Variants in NSMAF observed in about 807,000 individuals in gnomAD.
The protein encoded by NSMAF is protein FAN.
NSMAF carries 90 observed loss-of-function variants against 134.9 expected under a neutral mutation model. That is an observed-to-expected ratio of 0.67 (90% CI 0.56 to 0.79). The LOEUF (loss-of-function observed/expected upper bound fraction) is 0.79, where lower values mean the gene tolerates loss of function less well. NSMAF is among the 30% of genes least tolerant of loss of function. The probability of loss-of-function intolerance (pLI) is 0.00; values close to 1 mark genes in which losing one functional copy is unlikely to be tolerated. For synonymous variants in NSMAF, 358 were observed against 389.6 expected (o/e 0.92, Z 0.96); for missense variants, 1,010 against 1,119.0 (o/e 0.90, Z 1.39).
intron 13 of NSMAF, among the ~76,000 whole-genome samples, 198 bp from the exon 14 acceptor site, chr8:58,602,335 A>G (rs190842719): frequency 2.1e-3 from 323 of 152,312 alleles, no homozygotes; most frequent in Non-Finnish European, 3.8e-3. Flanking sequence ...AGACACAACC[A>G]CTTAAGAGCA....
At chr8:58,586,103 G>T in intron 28 of NSMAF, 103 bp from the exon 29 acceptor site, 1 of 899,032 alleles carries the variant, frequency 1.1e-6, no homozygotes, top group African/African-American at 1.6e-5. Context: ...CTCCACATTC[G>T]TTTTCTTCAA....
At chr8:58,622,778 C>T (rs1806818226) in intron 9 of NSMAF, among the ~76,000 whole-genome samples, 1 of 152,100 alleles carries the variant, frequency 6.6e-6, no homozygotes, top group South Asian at 2.1e-4. Flanking sequence ...AGTGATTCTC[C>T]CACCTTGGCT....
chr8:58,658,627 T>C (rs988304011), intron 1 of NSMAF, among the ~76,000 whole-genome samples: 5 of 152,212 alleles, frequency 3.3e-5, no homozygotes, highest in African/African-American at 9.7e-5. Context: ...GATCTGTGGC[T>C]CTCACAATCA....
At chr8:58,584,475 C>T (rs1348016156) in intron 30 of NSMAF, among the ~76,000 whole-genome samples, 1 of 152,044 alleles carries the variant, frequency 6.6e-6, no homozygotes, top group African/African-American at 2.4e-5. Flanking sequence ...AAATAAATAC[C>T]TTGGCGAAGT....
In NSMAF at chr8:58,631,538, G is replaced by A; in HGVS notation, c.342C>T (p.Phe114=). Reference sequence around the variant, plus strand: ...GTGCAACAACATTATGTTCTTTAATGAAATATACCTGAGCAAGAAAAAGCA... The same window carrying A: ...GTGCAACAACATTATGTTCTTTAATAAAATATACCTGAGCAAGAAAAAGCA... ...GISLIFSQVY[F]IKEHNVVAPY... Residue 114 remains phenylalanine (F), a synonymous_variant, in exon 6 of 31, where the codon TTC becomes TTT. Transcript: ENST00000038176. 1 of 1,490,566 alleles carries A rather than the reference G, an allele frequency of 6.7e-7. No individual in the cohort carries two copies. The highest frequency in any genetic ancestry group is 9.1e-7 in the Non-Finnish European group (1 of 1,099,250). 92.3% of individuals were successfully genotyped at this position (1,490,566 alleles called of 1,614,324 possible).
intron 9 of NSMAF, among the ~76,000 whole-genome samples, chr8:58,621,104 C>T (rs1056652675): frequency 7.9e-5 from 12 of 152,164 alleles, no homozygotes; most frequent in African/African-American, 2.7e-4. Flanking sequence ...CCCTCCCATC[C>T]TCCACCCTCA....
At chr8:58,602,975 CTG>C (rs1051881290) in intron 13 of NSMAF, among the ~76,000 whole-genome samples, 2 of 152,106 alleles carry the variant, frequency 1.3e-5, no homozygotes, top group African/African-American at 4.8e-5. Flanking sequence ...CCCATTTTTT[CTG>C]TGTGTGTCCT....
chr8:58,634,828 T>C (rs1211760355), intron 5 of NSMAF, among the ~76,000 whole-genome samples: 1 of 152,138 alleles, frequency 6.6e-6, no homozygotes, highest in African/African-American at 2.4e-5. Flanking sequence ...CCCAAGTCAT[T>C]GCCTTGGTTG....
chr8:58,606,513 T>C (rs1806415079), intron 11 of NSMAF, among the ~76,000 whole-genome samples: 1 of 152,168 alleles, frequency 6.6e-6, no homozygotes, highest in Non-Finnish European at 1.5e-5. Context: ...ACTCCCAGGC[T>C]CAATTGATCC....
chr8:58,589,715 A>G, intron 25 of NSMAF, 140 bp from the exon 26 acceptor site: 1 of 826,284 alleles, frequency 1.2e-6, no homozygotes, highest in South Asian at 2.9e-5. Flanking sequence ...TTCTCAAATT[A>G]CTAAATCAAA....
chr8:58,587,122 A>C (rs1332560131), intron 27 of NSMAF, among the ~76,000 whole-genome samples: 1 of 152,260 alleles, frequency 6.6e-6, no homozygotes, highest in Non-Finnish European at 1.5e-5. Flanking sequence ...CAACTACAGC[A>C]TAAGATGCAG....
At chr8:58,595,176 C>G (rs1024232815) in intron 22 of NSMAF, among the ~76,000 whole-genome samples, 4 of 152,218 alleles carry the variant, frequency 2.6e-5, no homozygotes, top group African/African-American at 9.6e-5. Context: ...TTAAAAGGTG[C>G]CTTTTCACCT....
intron 6 of NSMAF, among the ~76,000 whole-genome samples, chr8:58,627,157 G>C (rs1421984987): frequency 6.6e-6 from 1 of 152,208 alleles, no homozygotes; most frequent in African/African-American, 2.4e-5. Flanking sequence ...CACTCTGTGG[G>C]TTGTCTGTTT....
chr8:58,594,014 A>C (rs748321849), intron 23 of NSMAF, among the ~76,000 whole-genome samples: 1 of 152,138 alleles, frequency 6.6e-6, no homozygotes, highest in Non-Finnish European at 1.5e-5. Context: ...CTCTATCCTC[A>C]ACTCTGGGAA....
intron 2 of NSMAF, chr8:58,640,132 C>T (rs183349306): frequency 2.2e-6 from 1 of 452,898 alleles, no homozygotes. Flanking sequence ...TTATTGACTA[C>T]AGTCCATACC....
rs957865261 is a variant in NSMAF at position 58,622,796 on chromosome 8, G to A, written c.557+424C>T. Among the ~76,000 whole-genome samples the A allele has an allele frequency of 2.0e-5, 3 of 152,246 alleles. No individual in the cohort carries two copies. The East Asian group carries it at 5.8e-4, about 29-fold the overall frequency. ...GATTCTCCCACCTTGGCTTCCTAAA[G>A]TGCTGGGATTATAGGCCTGAGCCAC... is the stretch of plus-strand genomic sequence containing the variant. On this transcript the variant is annotated intron_variant, in intron 9 of 30. Coordinates refer to ENST00000038176, the MANE Select transcript of NSMAF (RefSeq NM_003580.4).
intron 2 of NSMAF, chr8:58,637,236 G>A (rs1244244372): frequency 2.3e-6 from 1 of 433,758 alleles, no homozygotes; most frequent in Non-Finnish European, 4.7e-6. Flanking sequence ...TTCCTTACTT[G>A]CCAGTATGAC....
chr8:58,643,174 G>A (rs1328301828), intron 1 of NSMAF, 101 bp from the exon 2 acceptor site: 2 of 814,306 alleles, frequency 2.5e-6, no homozygotes. Flanking sequence ...TTCCATTCTT[G>A]AATTTAACAA....
At chr8:58,593,341 T>C (rs949369174) in intron 23 of NSMAF, among the ~76,000 whole-genome samples, 3 of 152,198 alleles carry the variant, frequency 2.0e-5, no homozygotes, top group Admixed American at 1.3e-4. Flanking sequence ...AAGAACAGAA[T>C]GAAATGCTAC....
Sources: gnomAD v4.1 joint callset for allele counts (sites outside exome capture counted in the v4.1 genomes callset) on GRCh38, gnomAD v4.1.1 for gene constraint, MANE v1.5 for transcripts, NCBI Gene and HGNC (gene_info 2026-07-23, HGNC 2026-07-21) for gene names.